Variants in BMP8B observed in about 807,000 individuals in gnomAD.
The protein encoded by BMP8B is bone morphogenetic protein 8 (osteogenic protein 2).
In BMP8B, 17 loss-of-function variants were observed where a neutral mutation model predicts 30.3. The ratio of observed to expected loss-of-function variants is 0.56; its 90% CI spans 0.38 to 0.84. BMP8B has a LOEUF of 0.84. Ranked by LOEUF, BMP8B falls within the 40% of genes least tolerant of loss-of-function variation. The pLI is 0.00. For missense variants in BMP8B, 253 were observed against 494.6 expected, an observed-to-expected ratio of 0.51 and a Z score of 4.63; for synonymous variants, 131 against 214.7, an observed-to-expected ratio of 0.61 and a Z score of 3.41.
intron 1 of BMP8B, among the ~76,000 whole-genome samples, chr1:39,779,623 C>T (rs1451652517): frequency 6.6e-6 from 1 of 152,172 alleles, no homozygotes; most frequent in Non-Finnish European, 1.5e-5. Flanking sequence ...TCCTTGAAAA[C>T]ATATTCAAGA....
chr1:39,782,452 A>G (rs1250455913), intron 1 of BMP8B, among the ~76,000 whole-genome samples: 1 of 84,664 alleles, frequency 1.2e-5, no homozygotes, highest in East Asian at 2.3e-4. Context: ...GCAGTGCCAG[A>G]CACTTGCTTT....
At chr1:39,780,965 G>A (rs540355310) in intron 1 of BMP8B, among the ~76,000 whole-genome samples, 4 of 152,268 alleles carry the variant, frequency 2.6e-5, no homozygotes, top group African/African-American at 9.6e-5. Flanking sequence ...GGATCTTGTC[G>A]GTCTTCTGAA....
At chr1:39,771,601 GCTTCCCCAGC>G (rs1649984457) in intron 3 of BMP8B, among the ~76,000 whole-genome samples, 1 of 150,678 alleles carries the variant, frequency 6.6e-6, no homozygotes, top group Non-Finnish European at 1.5e-5. Context: ...CTTCCCCCCA[GCTTCCCCAGC>G]TCATTAAAGA....
intron 1 of BMP8B, among the ~76,000 whole-genome samples, chr1:39,781,554 C>T (rs1481428213): frequency 3.3e-5 from 5 of 152,192 alleles, no homozygotes; most frequent in African/African-American, 7.2e-5. Context: ...AGACCATAAT[C>T]GTGTAAATTG....
Position 39,760,925 on chromosome 1 carries a change from G to A in BMP8B, c.1060-357C>T, listed in dbSNP as rs1319517040. Among the ~76,000 whole-genome samples the A allele has an allele frequency of 7.2e-5, 11 of 152,068 alleles. No homozygotes were observed. The East Asian group carries it at 2.1e-3, about 30-fold the overall frequency. ...GTGCCCTTAGTGAGGTCCCCAAGGG[G>A]GAGCCTGGAAGGACCACTTTCTTCT... is the stretch of plus-strand genomic sequence containing the variant. On this transcript the variant is annotated intron_variant, in intron 6 of 6. Coordinates refer to ENST00000372827, the MANE Select transcript of BMP8B (RefSeq NM_001720.5).
At chr1:39,783,159 T>G (rs1333800893) in intron 1 of BMP8B, among the ~76,000 whole-genome samples, 1 of 152,168 alleles carries the variant, frequency 6.6e-6, no homozygotes, top group Admixed American at 6.5e-5. Context: ...AGCAGTAGAC[T>G]CAGAATTGAA....
At chr1:39,771,646 CCGCTGGGTGACACCGA>C (rs1649987594) in intron 3 of BMP8B, among the ~76,000 whole-genome samples, 1 of 148,500 alleles carries the variant, frequency 6.7e-6, no homozygotes, top group Non-Finnish European at 1.5e-5. Context: ...TGAGCAGGCG[CCGCTGGGTGACACCGA>C]CGCTCATGAA....
intron 3 of BMP8B, chr1:39,769,857 T>A (rs1649828119): frequency 5.0e-6 from 8 of 1,611,984 alleles, no homozygotes; most frequent in Non-Finnish European, 6.8e-6. Context: ...TTCTCGGTGA[T>A]GATGCGGTCC....
At chr1:39,786,959 T>G (rs2268865) in intron 1 of BMP8B, among the ~76,000 whole-genome samples, 4,055 of 152,326 alleles carry the variant, frequency 0.027, 103 homozygotes, top group East Asian at 0.12. Context: ...AGTCCCCTGT[T>G]TTCCTCAGCC....
chr1:39,787,285 G>A (rs1208242860), intron 1 of BMP8B, among the ~76,000 whole-genome samples: 2 of 152,164 alleles, frequency 1.3e-5, no homozygotes, highest in Non-Finnish European at 2.9e-5. Context: ...CCGACTTTGG[G>A]CTGATCTGTG....
At position 39,784,739 on chromosome 1, in the gene BMP8B, C is replaced by G. The variant is rs1251005991; in HGVS notation, c.334+3413G>C. 1.8e-5 allele frequency among the ~76,000 whole-genome samples: 2 copies of G among 113,862 alleles called. 1 individual carries two copies. The highest frequency in any genetic ancestry group is 3.9e-5 in the Non-Finnish European group (2 of 50,666). The allele number at this position is 113,862 out of a possible 152,430, so 74.7% of individuals were successfully genotyped here. On this transcript the variant is annotated intron_variant, in intron 1 of 6. Coordinates refer to ENST00000372827, the MANE Select transcript of BMP8B (RefSeq NM_001720.5). The stretch of plus-strand genomic sequence containing the variant: ...CGGCTGGCAAGGGCAGAGCAGGACC[C>G]GGGCCAGGTCCCGAATTCCCACTCA...
At chr1:39,778,277 C>T (rs1344877868) in intron 1 of BMP8B, among the ~76,000 whole-genome samples, 8 of 151,782 alleles carry the variant, frequency 5.3e-5, no homozygotes, top group African/African-American at 1.9e-4. Flanking sequence ...ATTCCCGTTG[C>T]TGTGGACCTG....
Position 39,757,378 on chromosome 1 carries a change from G to A in BMP8B, c.*3041C>T, listed in dbSNP as rs528961974. ...ATCATACTCTACAAAGGAAGAAGCA[G>A]AACCAGGATTCAAATCTATTTGGCA... On this transcript the variant is annotated 3_prime_UTR_variant, in exon 7 of 7. Transcript: ENST00000372827. 94 of 152,374 alleles carry A rather than the reference G, an allele frequency of 6.2e-4. No homozygotes were observed. The highest frequency in any genetic ancestry group is 2.2e-3 in the African/African-American group (93 of 41,594). 9.4% of individuals were successfully genotyped at this position (152,374 alleles called of 1,614,324 possible). A position where few individuals can be genotyped will look rare whatever the true frequency, so the allele number is the denominator to read the frequency against.
In BMP8B at chr1:39,760,314, TG is replaced by T; in HGVS notation, c.*104del. ...TGTACGTGGTTGTGAGGGTCCTCCC[TG>T]GCAATGCCCCGGCCTGGGGTCTGGC... On this transcript the variant is annotated 3_prime_UTR_variant, in exon 7 of 7. Coordinates refer to ENST00000372827, the MANE Select transcript of BMP8B (RefSeq NM_001720.5). 1 of 1,535,116 alleles carries T rather than the reference TG, an allele frequency of 6.5e-7. No homozygotes were observed. Among genetic ancestry groups the T allele is most frequent in the Non-Finnish European group, 8.8e-7 (1 of 1,138,246 alleles).
chr1:39,765,107 GT>G, intron 3 of BMP8B: 1 of 596,988 alleles, frequency 1.7e-6, no homozygotes, highest in Non-Finnish European at 2.9e-6. Context: ...TTTGTGAAGT[GT>G]TTTACAAGTT....
intron 4 of BMP8B, 83 bp from the exon 5 acceptor site, chr1:39,763,874 T>C: frequency 1.4e-6 from 2 of 1,436,622 alleles, no homozygotes; most frequent in South Asian, 2.5e-5. Flanking sequence ...GGGGATGCCC[T>C]GATGAGCACA....
At chr1:39,787,787 A>G (rs1308877796) in intron 1 of BMP8B, among the ~76,000 whole-genome samples, 1 of 152,214 alleles carries the variant, frequency 6.6e-6, no homozygotes, top group Non-Finnish European at 1.5e-5. Context: ...TACTGCCCTT[A>G]TCACAGTGAC....
At chr1:39,778,054 C>T (rs557743139) in intron 1 of BMP8B, among the ~76,000 whole-genome samples, 104 of 152,192 alleles carry the variant, frequency 6.8e-4, no homozygotes, top group South Asian at 1.2e-3. Flanking sequence ...GACGGAGCCA[C>T]GTGGGTGGAC....
At chr1:39,787,389 A>C (rs1453539474) in intron 1 of BMP8B, among the ~76,000 whole-genome samples, 2 of 152,186 alleles carry the variant, frequency 1.3e-5, no homozygotes, top group Non-Finnish European at 2.9e-5. Context: ...ATGACCATAG[A>C]CCAAAGAGTT....
Sources: allele counts gnomAD v4.1 joint callset (sites outside exome capture counted in the v4.1 genomes callset), GRCh38; gene constraint gnomAD v4.1.1; transcripts MANE v1.5; gene names NCBI Gene and HGNC (gene_info 2026-07-23, HGNC 2026-07-21).